The following DPP6 variants were observed in gnomAD, a reference collection of about 807,000 sequenced individuals.
DPP6 encodes the protein A-type potassium channel modulatory protein DPP6.
In DPP6, 69 loss-of-function variants were observed where a neutral mutation model predicts 122.6. The ratio of observed to expected loss-of-function variants is 0.56; its 90% confidence interval spans 0.46 to 0.69. The LOEUF (loss-of-function observed/expected upper bound fraction) is 0.69. Among genes scored for constraint, DPP6 ranks in the 30% least tolerant of loss-of-function variants. The probability of loss-of-function intolerance (pLI) is 0.00; values close to 1 mark genes in which losing one functional copy is unlikely to be tolerated. For synonymous variants in DPP6, 418 were observed against 433.1 expected (o/e 0.97, Z 0.43); for missense variants, 928 against 1,116.9 (o/e 0.83, Z 2.41).
intron 1 of DPP6, among the ~76,000 whole-genome samples, chr7:154,382,071 TC>T (rs1813665187): frequency 1.1e-5 from 1 of 90,016 alleles, no homozygotes; most frequent in African/African-American, 4.7e-5. Flanking sequence ...CCTTTTTTTT[TC>T]CTTTTTTTTT....
At chr7:154,504,233 C>A (rs1300199382) in intron 3 of DPP6, among the ~76,000 whole-genome samples, 2 of 152,220 alleles carry the variant, frequency 1.3e-5, no homozygotes, top group Admixed American at 1.3e-4. Flanking sequence ...GATGGCGAGG[C>A]TGGCATTTAA....
chr7:154,017,934 G>T (rs180932973), intron 1 of DPP6, among the ~76,000 whole-genome samples: 1 of 152,070 alleles, frequency 6.6e-6, no homozygotes, highest in Non-Finnish European at 1.5e-5. Flanking sequence ...TCACATAAAT[G>T]TTATGTTTAT....
At position 154,700,659 on chromosome 7, in the gene DPP6, A is replaced by C. The variant is rs138703008; in HGVS notation, c.763-27108A>C. On this transcript the variant is annotated intron_variant, in intron 7 of 25. Transcript: ENST00000377770. Reference sequence around the variant, plus strand: ...GAGATCGTTTTTGCATGAGCATCAAAAACTGTTGACCTAGCGAAGAAAATG... The same window carrying C: ...GAGATCGTTTTTGCATGAGCATCAACAACTGTTGACCTAGCGAAGAAAATG... Among the ~76,000 whole-genome samples the C allele has an allele frequency of 4.5e-3, 680 of 152,336 alleles. 4 individuals carry two copies. The highest frequency in any genetic ancestry group is 0.016 in the African/African-American group (650 of 41,564).
chr7:154,658,790 G>T (rs577537634), intron 6 of DPP6, among the ~76,000 whole-genome samples: 12 of 152,238 alleles, frequency 7.9e-5, no homozygotes, highest in Non-Finnish European at 1.5e-4. Flanking sequence ...GAGGACAGAC[G>T]TGTCTCACAC....
At chr7:153,857,322 T>TTTCTCTCTC in the DPP6 span, among the ~76,000 whole-genome samples, 1 of 124,390 alleles carries the variant, frequency 8.0e-6, no homozygotes, top group Non-Finnish European at 1.7e-5. Flanking sequence ...CTCAAAGGTT[T>TTTCTCTCTC]TCTCTCTCTC....
At chr7:154,279,495 T>C (rs985100984) in intron 1 of DPP6, among the ~76,000 whole-genome samples, 1 of 152,236 alleles carries the variant, frequency 6.6e-6, no homozygotes, top group African/African-American at 2.4e-5. Flanking sequence ...TGTCACTTGC[T>C]GGAACATAGG....
intron 1 of DPP6, among the ~76,000 whole-genome samples, chr7:153,948,341 G>A (rs1220676558): frequency 2.0e-5 from 3 of 152,110 alleles, no homozygotes; most frequent in Admixed American, 6.5e-5. Flanking sequence ...TGTTATGTAC[G>A]GGTGAGAGAG....
In DPP6 at chr7:154,705,449, G is replaced by A. The variant is rs147303487; in HGVS notation, c.763-22318G>A. On this transcript the variant is annotated intron_variant, in intron 7 of 25. Transcript: ENST00000377770. ...TCCAGTGCAAAACGTCTTCCATATG[G>A]CCAGGAAGACAAATCACCCCTGGGA... Among the ~76,000 whole-genome samples the A allele has an allele frequency of 2.7e-3, 413 of 152,214 alleles. 1 individual carries two copies. The highest frequency in any genetic ancestry group is 9.4e-3 in the African/African-American group (391 of 41,524).
At chr7:154,847,620 G>A (rs1188320823) in intron 16 of DPP6, among the ~76,000 whole-genome samples, 2 of 152,044 alleles carry the variant, frequency 1.3e-5, no homozygotes, top group African/African-American at 4.8e-5. Context: ...ATCAAATCAG[G>A]CTAATTAACA....
At chr7:153,871,747 G>A in the DPP6 span, among the ~76,000 whole-genome samples, 2 of 152,270 alleles carry the variant, frequency 1.3e-5, no homozygotes, top group Admixed American at 1.3e-4. Flanking sequence ...CGTCGCTCAC[G>A]CTGGGAGCTA....
chr7:154,651,649 C>A (rs1256996435), intron 6 of DPP6, among the ~76,000 whole-genome samples: 2 of 152,130 alleles, frequency 1.3e-5, no homozygotes, highest in Non-Finnish European at 2.9e-5. Context: ...CTAAAATAGT[C>A]TCGAAGGACT....
At chr7:154,650,644 C>A (rs1351498037) in intron 6 of DPP6, among the ~76,000 whole-genome samples, 1 of 152,302 alleles carries the variant, frequency 6.6e-6, no homozygotes, top group East Asian at 1.9e-4. Context: ...CTTCCCAGGA[C>A]CCTCAGCTCA....
chr7:154,275,864 C>T (rs1445913770), intron 1 of DPP6, among the ~76,000 whole-genome samples: 1 of 152,168 alleles, frequency 6.6e-6, no homozygotes, highest in Non-Finnish European at 1.5e-5. Context: ...TATCCATGGC[C>T]ATTCTCACCC....
intron 1 of DPP6, among the ~76,000 whole-genome samples, chr7:154,324,676 C>T (rs944456353): frequency 6.6e-6 from 1 of 152,040 alleles, no homozygotes; most frequent in African/African-American, 2.4e-5. Context: ...CAGGAAATCA[C>T]GTCTTGTTTC....
At chr7:154,753,496 G>A (rs1329722055) in intron 8 of DPP6, among the ~76,000 whole-genome samples, 1 of 152,072 alleles carries the variant, frequency 6.6e-6, no homozygotes, top group African/African-American at 2.4e-5. Flanking sequence ...GGATTTCCCC[G>A]AGCGCCACCT....
chr7:154,521,602 A>T (rs2129973713), intron 3 of DPP6, among the ~76,000 whole-genome samples: 1 of 152,374 alleles, frequency 6.6e-6, no homozygotes. Flanking sequence ...TCTTATGATT[A>T]AAAATTAAGT....
chr7:154,723,817 C>T (rs1262932046), intron 7 of DPP6, among the ~76,000 whole-genome samples: 1 of 152,120 alleles, frequency 6.6e-6, no homozygotes, highest in Non-Finnish European at 1.5e-5. Flanking sequence ...TAAAAGAAAA[C>T]AGCTGGTTTG....
rs1422035119 is a variant in DPP6, at chr7:154,801,374, C to T, written c.1319C>T (p.Ser440Phe). ...LHRQNEEPVF[S>F]KDGRKFFFIR... ...CCACAGAATGAAGAACCTGTGTTCTCCAAGGATGGCCGAAAGTTTTTCTTC... is the reference window on the plus strand; with the variant it reads ...CCACAGAATGAAGAACCTGTGTTCTTCAAGGATGGCCGAAAGTTTTTCTTC... The change falls in exon 13 of 26, where the codon TCC (serine) becomes TTC (phenylalanine). Residue 440 changes from serine to phenylalanine, a missense_variant. Coordinates refer to ENST00000377770, the MANE Select transcript of DPP6 (RefSeq NM_130797.4). 9.4e-6 allele frequency: 15 copies of T among 1,590,804 alleles called. No individual in the cohort carries two copies. The highest frequency in any genetic ancestry group is 1.3e-5 in the Non-Finnish European group (15 of 1,167,496).
intron 6 of DPP6, among the ~76,000 whole-genome samples, chr7:154,661,967 A>G (rs1837714470): frequency 6.7e-6 from 1 of 149,344 alleles, no homozygotes; most frequent in Non-Finnish European, 1.5e-5. Context: ...GTCATGGTGA[A>G]TCAGCATGGT....
Sources: allele counts gnomAD v4.1 joint callset (sites outside exome capture counted in the v4.1 genomes callset), GRCh38; gene constraint gnomAD v4.1.1; transcripts MANE v1.5; gene names NCBI Gene and HGNC (gene_info 2026-07-23, HGNC 2026-07-21).